AHCYL2: variants seen among roughly 807,000 people sequenced by gnomAD.
AHCYL2 encodes the protein adenosylhomocysteinase like 2.
AHCYL2 carries 28 observed loss-of-function variants against 81.4 expected under a neutral mutation model. That is an observed-to-expected ratio of 0.34 (90% CI 0.25 to 0.47). The LOEUF is 0.47. Among genes scored for constraint, AHCYL2 ranks in the 20% least tolerant of loss-of-function variants. AHCYL2 has a pLI of 1.00. For missense variants in AHCYL2, 551 were observed against 785.1 expected (o/e 0.70, Z 3.56); for synonymous variants, 272 against 290.2 (o/e 0.94, Z 0.64).
intron 1 of AHCYL2, among the ~76,000 whole-genome samples, chr7:129,354,899 C>T (rs781525187): frequency 6.6e-6 from 1 of 152,078 alleles, no homozygotes; most frequent in Non-Finnish European, 1.5e-5. Flanking sequence ...TCATCCAGAG[C>T]GAGTGAACAC....
At chr7:129,365,819 A>T (rs1161209942) in intron 1 of AHCYL2, among the ~76,000 whole-genome samples, 1 of 151,882 alleles carries the variant, frequency 6.6e-6, no homozygotes, top group Non-Finnish European at 1.5e-5. Context: ...CTGAGGTTTC[A>T]TATATGGTTG....
intron 1 of AHCYL2, among the ~76,000 whole-genome samples, chr7:129,351,351 A>G (rs1023501997): frequency 6.6e-6 from 1 of 152,182 alleles, no homozygotes; most frequent in Non-Finnish European, 1.5e-5. Flanking sequence ...ACTGTAACCA[A>G]TCTCCTTGGA....
chr7:129,317,525 G>C (rs67997229), intron 1 of AHCYL2, among the ~76,000 whole-genome samples: 36,120 of 152,160 alleles, frequency 0.24, 4,414 homozygotes, highest in South Asian at 0.37. Context: ...CAGCATAGTT[G>C]AGAAAATCCC....
chr7:129,324,905 T>C (rs928629899), intron 1 of AHCYL2, among the ~76,000 whole-genome samples: 1 of 152,210 alleles, frequency 6.6e-6, no homozygotes, highest in African/African-American at 2.4e-5. Context: ...ATCAGACACC[T>C]CCTTCATGTG....
intron 1 of AHCYL2, chr7:129,375,922 C>A: frequency 1.3e-6 from 2 of 1,536,074 alleles, no homozygotes; most frequent in Non-Finnish European, 1.7e-6. Context: ...GGGATTAAGG[C>A]CCAGGTGAGG....
chr7:129,355,069 A>T (rs762320649), intron 1 of AHCYL2, among the ~76,000 whole-genome samples: 1 of 152,170 alleles, frequency 6.6e-6, no homozygotes, highest in Non-Finnish European at 1.5e-5. Flanking sequence ...ATGCATTAAG[A>T]AGCAAAAATT....
chr7:129,377,595 A>G (rs772633567), intron 1 of AHCYL2: 68 of 456,560 alleles, frequency 1.5e-4, no homozygotes, highest in Non-Finnish European at 2.9e-4. Context: ...TGTTCTGCCC[A>G]TCAAGGAACC....
intron 1 of AHCYL2, among the ~76,000 whole-genome samples, chr7:129,341,665 GATGAAGATGGA>G (rs1482079546): frequency 1.3e-5 from 2 of 152,258 alleles, no homozygotes; most frequent in East Asian, 3.9e-4. Context: ...GTGGGAGGCA[GATGAAGATGGA>G]ATGGAGGACT....
chr7:129,230,077 T>A (rs1416279339), intron 1 of AHCYL2, among the ~76,000 whole-genome samples: 1 of 149,150 alleles, frequency 6.7e-6, no homozygotes, highest in East Asian at 1.9e-4. Context: ...TTTTATTTAA[T>A]TCTTTTTTTT....
At chr7:129,414,547 A>C (rs1796754455) in intron 12 of AHCYL2, among the ~76,000 whole-genome samples, 1 of 150,964 alleles carries the variant, frequency 6.6e-6, no homozygotes, top group African/African-American at 2.4e-5. Flanking sequence ...CAGCCTCCAG[A>C]GTAGCTGGGA....
intron 1 of AHCYL2, among the ~76,000 whole-genome samples, chr7:129,372,997 G>A (rs887447896): frequency 7.9e-5 from 12 of 152,160 alleles, no homozygotes; most frequent in African/African-American, 2.9e-4. Flanking sequence ...AAGTGTTAGA[G>A]CAGTGGTTTC....
At chr7:129,225,950 C>T (rs910277312) in intron 1 of AHCYL2, among the ~76,000 whole-genome samples, 1 of 152,228 alleles carries the variant, frequency 6.6e-6, no homozygotes, top group Non-Finnish European at 1.5e-5. Context: ...CTGTGGCCAA[C>T]CGTGGCCATA....
chr7:129,389,670 A>G lies in AHCYL2; in HGVS notation c.656A>G (p.Gln219Arg). ...PALMALRKRA[Q>R]GEKPLAGAKI... ...TTGATGGCTTTGAGGAAGAGAGCTC[A>G]AGGAGAAAAGCCTTTGGCTGGAGCC... is the stretch of plus-strand genomic sequence containing the variant. Residue 219 changes from glutamine to arginine, a missense_variant, in exon 4 of 17, where the codon CAA (glutamine) becomes CGA (arginine). By Grantham distance (43) the Gln-to-Arg change is conservative (BLOSUM62 1). Around this residue, in one of 2 missense-constraint regions of AHCYL2, gnomAD observed 316 missense variants for 543.1 expected, o/e 0.58. Transcript: ENST00000325006. 6.2e-7 allele frequency: 1 copy of G among 1,613,876 alleles called. No homozygotes were observed. The highest frequency in any genetic ancestry group is 8.5e-7 in the Non-Finnish European group (1 of 1,179,834).
At chr7:129,241,590 C>CA (rs1164845400) in intron 1 of AHCYL2, among the ~76,000 whole-genome samples, 3 of 150,886 alleles carry the variant, frequency 2.0e-5, no homozygotes, top group South Asian at 2.1e-4. Flanking sequence ...GACTCCATCT[C>CA]AAAAAAAATA....
intron 1 of AHCYL2, among the ~76,000 whole-genome samples, chr7:129,261,326 A>G (rs1795633260): frequency 6.6e-6 from 1 of 152,208 alleles, no homozygotes; most frequent in African/African-American, 2.4e-5. Context: ...ATATTGATAA[A>G]CATCTACTAA....
intron 1 of AHCYL2, among the ~76,000 whole-genome samples, chr7:129,246,708 GC>G (rs1795073253): frequency 6.6e-6 from 1 of 151,988 alleles, no homozygotes; most frequent in Non-Finnish European, 1.5e-5. Context: ...TGTTGCCCAG[GC>G]AAGTCTCAAA....
At chr7:129,386,843 G>A (rs1795226555) in intron 2 of AHCYL2, among the ~76,000 whole-genome samples, 1 of 152,108 alleles carries the variant, frequency 6.6e-6, no homozygotes, top group Non-Finnish European at 1.5e-5. Flanking sequence ...GGAGATGATG[G>A]AGGTATAAAA....
rs568475618 is a variant in AHCYL2 at position 129,389,725 on chromosome 7, T to C, written c.711T>C (p.Ala237=). The change falls in exon 4 of 17, where the codon GCT becomes GCC. Residue 237 remains alanine, a synonymous_variant. Transcript: ENST00000325006. ...AKIVGCTHIT[A]QTAVLMETLG... is the part of the protein sequence containing the mutation. ...TCGTGGGTTGCACACACATCACTGC[T>C]CAGACTGCTGTGAGTTCTTTTCTTT... 1.8e-4 allele frequency: 295 copies of C among 1,608,744 alleles called. 3 individuals carry two copies. The highest frequency in any genetic ancestry group is 1.5e-3 in the South Asian group (135 of 89,598).
intron 1 of AHCYL2, among the ~76,000 whole-genome samples, chr7:129,278,014 G>A (rs1446644684): frequency 6.6e-6 from 1 of 152,196 alleles, no homozygotes; most frequent in African/African-American, 2.4e-5. Context: ...GTTTTCCAAA[G>A]AGGTTTTGCC....
Sources: allele counts gnomAD v4.1 joint callset (sites outside exome capture counted in the v4.1 genomes callset), GRCh38; gene constraint gnomAD v4.1.1; regional missense constraint gnomAD v4.1.1; transcripts MANE v1.5; gene names NCBI Gene and HGNC (gene_info 2026-07-23, HGNC 2026-07-21).